Variants in RPS6KA2 observed in about 807,000 individuals in gnomAD.
The protein encoded by RPS6KA2 is ribosomal protein S6 kinase alpha-2.
A neutral mutation model predicts 91.8 loss-of-function variants in RPS6KA2; 42 were observed. The observed-to-expected ratio is 0.46, with a 90% CI of 0.36 to 0.59. The LOEUF (loss-of-function observed/expected upper bound fraction) is 0.59. Ranked by LOEUF, RPS6KA2 falls within the 20% of genes least tolerant of loss-of-function variation. The pLI, the probability that RPS6KA2 is intolerant of heterozygous loss-of-function variation, is 0.00. For synonymous variants in RPS6KA2, 414 were observed against 393.6 expected (o/e 1.05, Z -0.61); for missense variants, 798 against 978.5 (o/e 0.82, Z 2.46).
At chr6:166,702,872 A>C in intron 2 of RPS6KA2, 1 of 899,250 alleles carries the variant, frequency 1.1e-6, no homozygotes, top group South Asian at 1.5e-5. Context: ...AAAATTAATG[A>C]GAAAAACGAA....
chr6:166,424,398 C>T (rs1475978321), intron 16 of RPS6KA2, among the ~76,000 whole-genome samples: 1 of 152,156 alleles, frequency 6.6e-6, no homozygotes, highest in Non-Finnish European at 1.5e-5. Flanking sequence ...AGAATATTCC[C>T]GTTTGGAGAT....
At position 166,626,985 on chromosome 6, in the gene RPS6KA2, C is replaced by G; in HGVS notation, c.35G>C (p.Arg12Thr). The G allele has an allele frequency of 6.4e-7, 1 of 1,554,180 alleles. No homozygotes were observed. The highest frequency in any genetic ancestry group is 1.4e-5 in the African/African-American group (1 of 71,158). The change falls in exon 1 of 21, where the codon AGG becomes ACG. Residue 12 changes from arginine to threonine, a missense_variant. Physicochemically the swap from Arg to Thr is moderately conservative, Grantham distance 71. Transcript: ENST00000265678. The surrounding 1 kb of genome is among the most constrained non-coding windows in gnomAD (Gnocchi z 4.1). ...CCTGCGCAGGTACACAGAGAAGAAC[C>G]TGCGCACGGCGAACTTCTTCATGCT... ...DLSMKKFAVR[R>T]FFSVYLRRKS...
chr6:166,572,807 C>T (rs1460712522), intron 1 of RPS6KA2, among the ~76,000 whole-genome samples: 1 of 152,248 alleles, frequency 6.6e-6, no homozygotes, highest in Non-Finnish European at 1.5e-5. Context: ...CGTGTCTCTA[C>T]CCTCATGCAG....
intron 1 of RPS6KA2, among the ~76,000 whole-genome samples, chr6:166,566,003 G>A (rs572118342): frequency 1.3e-5 from 2 of 152,366 alleles, no homozygotes; most frequent in East Asian, 3.9e-4. Context: ...CACTTTTCAG[G>A]AGAAGAGACA....
At chr6:166,591,366 T>C (rs1249300317) in intron 1 of RPS6KA2, among the ~76,000 whole-genome samples, 2 of 152,190 alleles carry the variant, frequency 1.3e-5, no homozygotes, top group Admixed American at 6.5e-5. Context: ...TGGGCATGGT[T>C]TGATGTGTGC....
intron 2 of RPS6KA2, among the ~76,000 whole-genome samples, chr6:166,845,450 C>G (rs1780581569): frequency 6.6e-6 from 1 of 152,094 alleles, no homozygotes; most frequent in Non-Finnish European, 1.5e-5. Flanking sequence ...CAAGATAGAC[C>G]ATATGATAGG....
chr6:166,745,600 C>T (rs774008256), intron 2 of RPS6KA2, among the ~76,000 whole-genome samples: 8 of 152,302 alleles, frequency 5.3e-5, no homozygotes, highest in South Asian at 2.1e-4. Flanking sequence ...CATACATTTG[C>T]GAGGGCACAG....
intron 2 of RPS6KA2, among the ~76,000 whole-genome samples, chr6:166,715,755 G>C (rs1789991469): frequency 1.3e-5 from 2 of 152,126 alleles, no homozygotes; most frequent in Admixed American, 1.3e-4. Flanking sequence ...TAGAAAAGCT[G>C]GGCCAGGCAT....
intron 2 of RPS6KA2, among the ~76,000 whole-genome samples, chr6:166,765,396 C>G (rs1480581687): frequency 6.6e-6 from 1 of 152,192 alleles, no homozygotes; most frequent in Non-Finnish European, 1.5e-5. Context: ...CCATGGCCCC[C>G]GCACCTGCTC....
intron 1 of RPS6KA2, among the ~76,000 whole-genome samples, chr6:166,560,934 G>A (rs986637962): frequency 1.6e-5 from 2 of 128,722 alleles, no homozygotes; most frequent in African/African-American, 3.5e-5. Flanking sequence ...AGCCCAACAT[G>A]GTGTTTTTTT....
chr6:166,652,089 T>C (rs1029588675), intron 2 of RPS6KA2, among the ~76,000 whole-genome samples: 1 of 152,272 alleles, frequency 6.6e-6, no homozygotes, highest in African/African-American at 2.4e-5. Context: ...ATGAGAATAC[T>C]GTTTTTTGAA....
At chr6:166,463,736 G>A (rs572352543) in intron 11 of RPS6KA2, among the ~76,000 whole-genome samples, 5 of 152,242 alleles carry the variant, frequency 3.3e-5, no homozygotes, top group East Asian at 3.9e-4. Context: ...GAATTAATAC[G>A]CTCCAATAAG....
intron 7 of RPS6KA2, among the ~76,000 whole-genome samples, chr6:166,499,040 T>C (rs1228074761): frequency 6.6e-6 from 1 of 151,966 alleles, no homozygotes; most frequent in African/African-American, 2.4e-5. Context: ...TGACAGCTAC[T>C]GGGAAAGGGG....
intron 14 of RPS6KA2, among the ~76,000 whole-genome samples, chr6:166,432,756 C>T (rs570634990): frequency 1.3e-4 from 20 of 152,080 alleles, no homozygotes; most frequent in South Asian, 2.1e-4. Flanking sequence ...TTTGGGAGGC[C>T]GGGGTGGGCA....
chr6:166,821,617 C>A lies in RPS6KA2; in HGVS notation c.123+36583G>T, dbSNP rs1406952752. On this transcript the variant is annotated intron_variant, in intron 2 of 21. Coordinates refer to the RPS6KA2 transcript ENST00000503859. This position sits in a 1 kb window ranked among gnomAD's most constrained non-coding sequence, Gnocchi z 4.1. ...CTACGCTCCCCTGGGTTTCCTCCCC[C>A]TCACTTATTCCCTTTCACTATTGCT... 6.6e-6 allele frequency among the ~76,000 whole-genome samples: 1 copy of A among 152,150 alleles called. No individual in the cohort carries two copies. Among genetic ancestry groups the A allele is most frequent in the Non-Finnish European group, 1.5e-5 (1 of 68,024 alleles).
At chr6:166,680,525 G>A (rs531259852) in intron 2 of RPS6KA2, among the ~76,000 whole-genome samples, 8 of 152,222 alleles carry the variant, frequency 5.3e-5, no homozygotes, top group African/African-American at 9.6e-5. Flanking sequence ...GGTCTGTGCC[G>A]CTTTTGTGAA....
chr6:166,451,049 C>A (rs1583152507), intron 13 of RPS6KA2, 54 bp downstream of exon 13: 1 of 1,607,514 alleles, frequency 6.2e-7, no homozygotes, highest in East Asian at 2.2e-5. Flanking sequence ...ACCAGAGTCA[C>A]CCATCATCCA....
intron 2 of RPS6KA2, among the ~76,000 whole-genome samples, chr6:166,643,907 G>A (rs1787526335): frequency 6.6e-6 from 1 of 152,146 alleles, no homozygotes; most frequent in African/African-American, 2.4e-5. Context: ...ACCCTGTGAG[G>A]GCAGGAATTG....
intron 1 of RPS6KA2, among the ~76,000 whole-genome samples, chr6:166,600,959 T>C (rs533070685): frequency 6.6e-6 from 1 of 152,358 alleles, no homozygotes; most frequent in South Asian, 2.1e-4. Context: ...ATACTCTGCA[T>C]ATCCAATATT....
Sources: allele counts gnomAD v4.1 joint callset (sites outside exome capture counted in the v4.1 genomes callset), GRCh38; gene constraint gnomAD v4.1.1; non-coding constraint Gnocchi (gnomAD v3.1); transcripts MANE v1.5; gene names NCBI Gene and HGNC (gene_info 2026-07-23, HGNC 2026-07-21).